GRIA4: variants seen among roughly 807,000 people sequenced by gnomAD.
GRIA4 encodes glutamate receptor 4.
In GRIA4, 34 loss-of-function variants were observed where a neutral mutation model predicts 104.0. The observed-to-expected ratio is 0.33, with a 90% CI of 0.25 to 0.44. The LOEUF (loss-of-function observed/expected upper bound fraction) is 0.44, where lower values mean the gene tolerates loss of function less well. Among genes scored for constraint, GRIA4 ranks in the 20% least tolerant of loss-of-function variants. GRIA4 has a pLI of 1.00. For synonymous variants in GRIA4, 386 were observed against 381.9 expected (o/e 1.01, Z -0.13); for missense variants, 750 against 1,096.5 (o/e 0.68, Z 4.46).
At chr11:105,945,904 C>T (rs887093500) in intron 14 of GRIA4, among the ~76,000 whole-genome samples, 5 of 151,762 alleles carry the variant, frequency 3.3e-5, no homozygotes, top group African/African-American at 4.8e-5. Context: ...AACTAAAATC[C>T]AAAGCATTTT....
chr11:105,958,955 T>C (rs1948662970), intron 14 of GRIA4, among the ~76,000 whole-genome samples: 1 of 152,180 alleles, frequency 6.6e-6, no homozygotes, highest in African/African-American at 2.4e-5. Context: ...TATTCTAGCT[T>C]GTAGAGTTTT....
At chr11:105,628,093 A>C (rs1420929707) in intron 3 of GRIA4, among the ~76,000 whole-genome samples, 1 of 151,732 alleles carries the variant, frequency 6.6e-6, no homozygotes, top group Non-Finnish European at 1.5e-5. Context: ...GTGTACACAC[A>C]CACAAACACA....
chr11:105,615,517 A>C (rs1306859405), intron 3 of GRIA4, among the ~76,000 whole-genome samples: 1 of 151,886 alleles, frequency 6.6e-6, no homozygotes, highest in Non-Finnish European at 1.5e-5. Context: ...ATAACAAAAA[A>C]AGTGAGTGTA....
intron 5 of GRIA4, among the ~76,000 whole-genome samples, chr11:105,874,956 T>A (rs1383649488): frequency 6.6e-6 from 1 of 152,214 alleles, no homozygotes; most frequent in Non-Finnish European, 1.5e-5. Flanking sequence ...ATGTGTTGAA[T>A]AGGAGTGGTG....
intron 14 of GRIA4, among the ~76,000 whole-genome samples, chr11:105,966,938 AT>A (rs1268483377): frequency 3.3e-4 from 51 of 152,286 alleles, no homozygotes; most frequent in East Asian, 2.3e-3. Context: ...TTTTGTCTCC[AT>A]TCTAGGCACT....
At chr11:105,653,613 C>A (rs1299400133) in intron 3 of GRIA4, among the ~76,000 whole-genome samples, 1 of 152,138 alleles carries the variant, frequency 6.6e-6, no homozygotes, top group East Asian at 1.9e-4. Context: ...TAAGGACGGA[C>A]TGTTGTACTG....
At chr11:105,741,046 G>C (rs1282104695) in intron 3 of GRIA4, among the ~76,000 whole-genome samples, 1 of 152,158 alleles carries the variant, frequency 6.6e-6, no homozygotes, top group Admixed American at 6.6e-5. Context: ...TAGGAGACTT[G>C]AAGCTGACTG....
At chr11:105,758,239 C>T (rs1940424925) in intron 4 of GRIA4, among the ~76,000 whole-genome samples, 1 of 152,022 alleles carries the variant, frequency 6.6e-6, no homozygotes, top group African/African-American at 2.4e-5. Context: ...GGGAGACCCC[C>T]ATCTCTTAAT....
chr11:105,781,631 A>G (rs993097229), intron 4 of GRIA4, among the ~76,000 whole-genome samples: 2 of 152,260 alleles, frequency 1.3e-5, no homozygotes, highest in Middle Eastern at 3.4e-3. Flanking sequence ...AAAAAAATTT[A>G]CCTCATTGGT....
At position 105,787,241 on chromosome 11, in the gene GRIA4, T is replaced by C. The variant is rs761259719; in HGVS notation, c.487+34021T>C. ...ATATTCAAATTAATTAATAAATTAT[T>C]ATATAAACCTTTATAATGTAAATTT... is the stretch of plus-strand genomic sequence containing the variant. On this transcript the variant is annotated intron_variant, in intron 4 of 16. Transcript: ENST00000282499. Among the ~76,000 whole-genome samples, 42 of 152,228 alleles carry C rather than the reference T, an allele frequency of 2.8e-4. 1 individual carries two copies. The highest frequency in any genetic ancestry group is 2.7e-3 in the East Asian group (14 of 5,188).
rs1320331407 is a variant in GRIA4, at chr11:105,981,731, T to C, written c.*1992T>C. 2 of 152,672 alleles carry C rather than the reference T, an allele frequency of 1.3e-5. No individual in the cohort carries two copies. Among genetic ancestry groups the C allele is most frequent in the Admixed American group, 1.3e-4 (2 of 15,276 alleles). The allele number at this position is 152,672 out of a possible 1,614,324, so 9.5% of individuals were successfully genotyped here. A position where few individuals can be genotyped will look rare whatever the true frequency, so the allele number is the denominator to read the frequency against. On this transcript the variant is annotated 3_prime_UTR_variant, in exon 17 of 17. Transcript: ENST00000282499. The stretch of plus-strand genomic sequence containing the variant: ...GCAAATGAACCTCCAAAGCAGCACA[T>C]GGAGCACTGCATAGACTATTTCCTC...
chr11:105,781,313 C>T (rs964115712), intron 4 of GRIA4, among the ~76,000 whole-genome samples: 3 of 152,076 alleles, frequency 2.0e-5, no homozygotes, highest in African/African-American at 7.2e-5. Flanking sequence ...GAAATTCTCT[C>T]ACACAATGCT....
intron 10 of GRIA4, among the ~76,000 whole-genome samples, chr11:105,913,740 T>C (rs997850833): frequency 6.6e-6 from 1 of 152,086 alleles, no homozygotes. Flanking sequence ...AAGCTCCTTT[T>C]TTCCCCAAAG....
chr11:105,628,978 T>G (rs1413551028), intron 3 of GRIA4, among the ~76,000 whole-genome samples: 1 of 151,202 alleles, frequency 6.6e-6, no homozygotes, highest in Non-Finnish European at 1.5e-5. Context: ...ATAAGGAACT[T>G]CAGCAAAGTC....
At chr11:105,752,849 T>A (rs1360122727) in intron 3 of GRIA4, 132 bp from the exon 4 acceptor site, 6 of 808,700 alleles carry the variant, frequency 7.4e-6, no homozygotes, top group Non-Finnish European at 1.2e-5. Flanking sequence ...TCACTTATAC[T>A]CTTTATCTTA....
At chr11:105,669,692 T>C (rs1952298113) in intron 3 of GRIA4, among the ~76,000 whole-genome samples, 2 of 152,132 alleles carry the variant, frequency 1.3e-5, no homozygotes, top group Non-Finnish European at 2.9e-5. Context: ...TAAATTCTCC[T>C]CTATATCTCA....
chr11:105,622,606 T>C (rs1950777303), intron 3 of GRIA4, among the ~76,000 whole-genome samples: 1 of 151,814 alleles, frequency 6.6e-6, no homozygotes, highest in African/African-American at 2.4e-5. Flanking sequence ...TCCCCATGCC[T>C]CTACCTCCAA....
chr11:105,720,636 T>G (rs1237626681), intron 3 of GRIA4, among the ~76,000 whole-genome samples: 1 of 152,242 alleles, frequency 6.6e-6, no homozygotes, highest in Non-Finnish European at 1.5e-5. Flanking sequence ...TCACTTTATT[T>G]GCTTGATCCC....
intron 4 of GRIA4, among the ~76,000 whole-genome samples, chr11:105,803,723 G>A (rs1942819063): frequency 2.0e-5 from 3 of 151,402 alleles, no homozygotes; most frequent in Non-Finnish European, 4.4e-5. Context: ...AACACTTCAT[G>A]AGCTCCTAAT....
Sources: allele counts gnomAD v4.1 joint callset (sites outside exome capture counted in the v4.1 genomes callset), GRCh38; gene constraint gnomAD v4.1.1; transcripts MANE v1.5; gene names NCBI Gene and HGNC (gene_info 2026-07-23, HGNC 2026-07-21).